Variants in ZNF236 observed in about 807,000 individuals in gnomAD.
The protein encoded by ZNF236 is zinc finger protein 236, also known as regulated by glucose.
ZNF236 carries 50 observed loss-of-function variants against 191.2 expected under a neutral mutation model. The ratio of observed to expected loss-of-function variants is 0.26; its 90% CI spans 0.21 to 0.33. The LOEUF (loss-of-function observed/expected upper bound fraction) is 0.33, where lower values mean the gene tolerates loss of function less well. ZNF236 is among the 10% of genes least tolerant of loss of function. The pLI is 1.00. For missense variants in ZNF236, 1,754 were observed against 2,374.5 expected (o/e 0.74, Z 5.43); for synonymous variants, 907 against 928.8 (o/e 0.98, Z 0.43).
intron 26 of ZNF236, 38 bp from the exon 27 acceptor site, chr18:76,947,483 A>C (rs764777456): frequency 1.3e-6 from 2 of 1,588,300 alleles, no homozygotes; most frequent in Non-Finnish European, 1.7e-6. Context: ...TGTTTTGCTA[A>C]AGTTACAACT....
Position 76,880,196 on chromosome 18 carries a change from G to A in ZNF236, c.1068G>A (p.Val356=). 1 of 1,614,188 alleles carries A rather than the reference G, an allele frequency of 6.2e-7. No individual in the cohort carries two copies. Among genetic ancestry groups the A allele is most frequent in the Non-Finnish European group, 8.5e-7 (1 of 1,180,026 alleles). ...CAAGCCAGCCGAGCTCCCAGGCGGT[G>A]AGCGACGTCATCCAGCAGCTCCTGG... is the stretch of plus-strand genomic sequence containing the variant. The part of the protein sequence containing the change: ...SASSQPSSQA[V]SDVIQQLLEL... The change falls in exon 8 of 31, where the codon GTG becomes GTA. Residue 356 remains valine (V), a synonymous_variant. Coordinates refer to ENST00000320610, the MANE Select transcript of ZNF236 (RefSeq NM_001306089.2). The surrounding 1 kb of genome is among the most constrained non-coding windows in gnomAD (Gnocchi z 5.0).
chr18:76,885,143 C>CTGAA (rs1977011219), intron 9 of ZNF236: 1 of 152,482 alleles, frequency 6.6e-6, no homozygotes, highest in Non-Finnish European at 1.5e-5. Context: ...CCTCAGGCTG[C>CTGAA]TGAAGCACTT....
intron 26 of ZNF236, among the ~76,000 whole-genome samples, chr18:76,944,457 T>C (rs1280435326): frequency 6.6e-6 from 1 of 152,248 alleles, no homozygotes; most frequent in African/African-American, 2.4e-5. Context: ...ATAGCTTTTA[T>C]TGGACACTGA....
intron 1 of ZNF236, among the ~76,000 whole-genome samples, chr18:76,835,372 CTA>C (rs1404942395): frequency 2.0e-5 from 3 of 152,100 alleles, no homozygotes; most frequent in Admixed American, 6.6e-5. Flanking sequence ...GAACATATAT[CTA>C]TTTTTTTCTG....
chr18:76,850,727 C>T (rs542018747), intron 2 of ZNF236, among the ~76,000 whole-genome samples: 10 of 151,986 alleles, frequency 6.6e-5, no homozygotes, highest in East Asian at 5.8e-4. Flanking sequence ...CTCAGCTTCC[C>T]GAGTAGCTGG....
chr18:76,904,357 T>C, intron 11 of ZNF236, 23 bp from the exon 12 acceptor site: 1 of 1,582,690 alleles, frequency 6.3e-7, no homozygotes, highest in Admixed American at 1.8e-5. Context: ...GTGAATTACA[T>C]CTGCTTTTCT....
At chr18:76,904,336 T>C (rs369473963) in intron 11 of ZNF236, 44 bp from the exon 12 acceptor site, 32 of 1,552,720 alleles carry the variant, frequency 2.1e-5, no homozygotes, top group Admixed American at 2.0e-5. Flanking sequence ...ATTGTATTAC[T>C]AGCATTGACA....
chr18:76,895,317 C>G (rs753608777), intron 10 of ZNF236, 32 bp downstream of exon 10: 6 of 1,593,054 alleles, frequency 3.8e-6, no homozygotes, highest in Admixed American at 3.3e-5. Context: ...CACACGGGCA[C>G]TGGCCACGGG....
intron 9 of ZNF236, among the ~76,000 whole-genome samples, chr18:76,893,208 T>C (rs780306289): frequency 2.4e-4 from 36 of 152,230 alleles, no homozygotes; most frequent in Non-Finnish European, 4.9e-4. Context: ...CTAGTAGATA[T>C]TATAGTCTCT....
chr18:76,866,249 A>G (rs548876417), intron 3 of ZNF236, among the ~76,000 whole-genome samples: 1 of 152,372 alleles, frequency 6.6e-6, no homozygotes, highest in South Asian at 2.1e-4. Context: ...TGGCACGTAC[A>G]AATGAATAGT....
At chr18:76,937,124 C>T in intron 25 of ZNF236, 32 bp from the exon 26 acceptor site, 2 of 1,600,634 alleles carry the variant, frequency 1.2e-6, no homozygotes, top group Middle Eastern at 1.8e-4. Context: ...TCTGGCCTTC[C>T]CATTGATCTA....
At chr18:76,909,312 C>CT (rs1342966908) in intron 14 of ZNF236, among the ~76,000 whole-genome samples, 14 of 71,324 alleles carry the variant, frequency 2.0e-4, no homozygotes, top group African/African-American at 8.5e-4. Flanking sequence ...GAGTGAGACT[C>CT]TGTCTCAAAA....
chr18:76,858,498 A>C (rs550808122), intron 3 of ZNF236, among the ~76,000 whole-genome samples: 2 of 152,234 alleles, frequency 1.3e-5, no homozygotes, highest in Non-Finnish European at 2.9e-5. Context: ...ACAGTTTAAC[A>C]TTGCTGTAAT....
At chr18:76,904,663 A>G (rs1977690874) in intron 12 of ZNF236, 142 bp downstream of exon 12, 1 of 684,156 alleles carries the variant, frequency 1.5e-6, no homozygotes, top group Non-Finnish European at 2.1e-6. Context: ...TTTATTGGTA[A>G]TTAATATTTT....
chr18:76,939,992 CTACCCTAGCACTGCATTTGG>C (rs1968095002), intron 26 of ZNF236, among the ~76,000 whole-genome samples: 1 of 145,504 alleles, frequency 6.9e-6, no homozygotes, highest in South Asian at 2.2e-4. Flanking sequence ...ACACGGTGGG[CTACCCTAGCACTGCATTTGG>C]GAACACGGTG....
rs1203573893 is a variant in ZNF236, at chr18:76,912,256, A to G, written c.2818A>G (p.Ile940Val). ...SDGMNVTTRLIQESSQEELDL... is the reference protein window; with the variant it reads ...SDGMNVTTRLVQESSQEELDL... ...TCTTAAATTTTAGACAACTCGCTTG[A>G]TTCAGGAGTCATCCCAAGAGGAACT... The change falls in exon 17 of 31, where the codon ATT becomes GTT. Residue 940 changes from isoleucine to valine, a missense_variant. Transcript: ENST00000320610. 6.2e-7 allele frequency: 1 copy of G among 1,613,980 alleles called. No homozygotes were observed. Among genetic ancestry groups the G allele is most frequent in the Non-Finnish European group, 8.5e-7 (1 of 1,179,870 alleles).
At chr18:76,836,726 C>T (rs949042407) in intron 1 of ZNF236, among the ~76,000 whole-genome samples, 1 of 151,626 alleles carries the variant, frequency 6.6e-6, no homozygotes, top group African/African-American at 2.4e-5. Flanking sequence ...TACAGGCGCC[C>T]GCCACCACGC....
At chr18:76,855,868 G>A (rs1976027480) in intron 3 of ZNF236, among the ~76,000 whole-genome samples, 1 of 152,162 alleles carries the variant, frequency 6.6e-6, no homozygotes, top group Non-Finnish European at 1.5e-5. Flanking sequence ...CATCAGTAGT[G>A]TGAGGTTGAG....
At chr18:76,826,997 A>G (rs1048725667) in intron 1 of ZNF236, among the ~76,000 whole-genome samples, 2 of 151,798 alleles carry the variant, frequency 1.3e-5, no homozygotes, top group Admixed American at 6.6e-5. Context: ...CCTGGGTTCA[A>G]GCGATTCTCC....
Sources: allele counts gnomAD v4.1 joint callset (sites outside exome capture counted in the v4.1 genomes callset), GRCh38; gene constraint gnomAD v4.1.1; non-coding constraint Gnocchi (gnomAD v3.1); transcripts MANE v1.5; gene names NCBI Gene and HGNC (gene_info 2026-07-23, HGNC 2026-07-21).